The following PDLIM7 variants were observed in gnomAD, a reference collection of about 807,000 sequenced individuals.
PDLIM7 encodes the protein PDZ and LIM domain protein 7.
A neutral mutation model predicts 53.9 loss-of-function variants in PDLIM7; 37 were observed. The observed-to-expected ratio is 0.69, with a 90% CI of 0.53 to 0.90. The LOEUF is 0.90. Among genes scored for constraint, PDLIM7 ranks in the 40% least tolerant of loss-of-function variants. PDLIM7 has a pLI of 0.00. For synonymous variants in PDLIM7, 300 were observed against 261.3 expected (o/e 1.15, Z -1.43); for missense variants, 617 against 638.5 (o/e 0.97, Z 0.36).
intron 10 of PDLIM7, among the ~76,000 whole-genome samples, chr5:177,486,966 T>TCC (rs1561699858): frequency 4.0e-5 from 3 of 75,494 alleles, no homozygotes; most frequent in South Asian, 5.1e-4. Flanking sequence ...TTTTTTTTTT[T>TCC]TGCTGTCTCC....
Position 177,486,637 on chromosome 5 carries a change from T to G in PDLIM7, c.1050+1431A>C, listed in dbSNP as rs1418514146. 2.0e-5 allele frequency among the ~76,000 whole-genome samples: 3 copies of G among 152,086 alleles called. No individual in the cohort carries two copies. The East Asian group carries it at 5.8e-4, about 29-fold the overall frequency. On this transcript the variant is annotated intron_variant, in intron 10 of 12. Transcript: ENST00000355841. ...AGCCCAAGGCTGGGAGGCAGATTTC[T>G]CTTTCTTTTTTTCTTTTTGAGACAA...
Position 177,496,533 on chromosome 5 carries a change from G to A in PDLIM7, c.-11-10C>T. The A allele has an allele frequency of 6.4e-7, 1 of 1,559,970 alleles. No individual in the cohort carries two copies. Among genetic ancestry groups the A allele is most frequent in the African/African-American group, 1.4e-5 (1 of 72,658 alleles). The stretch of plus-strand genomic sequence containing the variant: ...TCCATGATGCCGGCTCCTGAGAGGA[G>A]AGAAGAGAAGGTGAGTGGCCAGCAT... On this transcript the variant is annotated splice_polypyrimidine_tract_variant and intron_variant, in intron 1 of 12. Coordinates refer to ENST00000355841, the MANE Select transcript of PDLIM7 (RefSeq NM_005451.5).
At chr5:177,494,806 C>T (rs1187431352) in intron 2 of PDLIM7, among the ~76,000 whole-genome samples, 3 of 152,112 alleles carry the variant, frequency 2.0e-5, no homozygotes, top group Non-Finnish European at 4.4e-5. Flanking sequence ...CAGCCCAGCC[C>T]CCCAGTCCCA....
intron 9 of PDLIM7, among the ~76,000 whole-genome samples, chr5:177,488,547 C>A (rs927530922): frequency 2.0e-5 from 3 of 152,190 alleles, no homozygotes; most frequent in Non-Finnish European, 4.4e-5. Flanking sequence ...CTGGGCAAAC[C>A]CTGGAGCTGC....
intron 5 of PDLIM7, chr5:177,491,485 A>C (rs1328706685): frequency 7.6e-7 from 1 of 1,322,184 alleles, no homozygotes; most frequent in Non-Finnish European, 1.1e-6. Context: ...GAGAGGAAGA[A>C]AGACGGGGAG....
chr5:177,494,744 G>A (rs1319364556), intron 2 of PDLIM7, among the ~76,000 whole-genome samples: 1 of 152,074 alleles, frequency 6.6e-6, no homozygotes, highest in Non-Finnish European at 1.5e-5. Context: ...ACCAAGGAGG[G>A]AAAAAGCCAG....
intron 7 of PDLIM7, chr5:177,490,052 C>T: frequency 2.0e-6 from 3 of 1,532,220 alleles, no homozygotes; most frequent in Non-Finnish European, 2.6e-6. Flanking sequence ...AGGCAGGGCT[C>T]CCGCTTCTGA....
chr5:177,483,454 C>A lies in PDLIM7; in HGVS notation c.*190G>T, dbSNP rs337410. 5.2e-6 allele frequency: 3 copies of A among 574,476 alleles called. No homozygotes were observed. The highest frequency in any genetic ancestry group is 4.6e-5 in the South Asian group (2 of 43,408). 35.6% of individuals were successfully genotyped at this position (574,476 alleles called of 1,614,324 possible). On this transcript the variant is annotated 3_prime_UTR_variant, in exon 13 of 13. Coordinates refer to ENST00000355841, the MANE Select transcript of PDLIM7 (RefSeq NM_005451.5). ...TGAAAGGGGGCTGGTGTGGCCAGCACCGGTGTGCTGTGGTGGTGGAGGGAG... is the reference window on the plus strand; with the variant it reads ...TGAAAGGGGGCTGGTGTGGCCAGCAACGGTGTGCTGTGGTGGTGGAGGGAG...
intron 10 of PDLIM7, among the ~76,000 whole-genome samples, chr5:177,486,774 G>A (rs972406622): frequency 1.3e-5 from 2 of 151,902 alleles, no homozygotes; most frequent in South Asian, 2.1e-4. Context: ...GAGTAGCTGG[G>A]ACTACTCCAC....
chr5:177,491,181 G>C (rs1006472419), intron 5 of PDLIM7, 35 bp from the exon 6 acceptor site: 9 of 1,575,938 alleles, frequency 5.7e-6, no homozygotes, highest in Middle Eastern at 1.7e-4. Context: ...CCCCACACTG[G>C]GGGTGGGCGG....
intron 5 of PDLIM7, 33 bp from the exon 6 acceptor site, chr5:177,491,179 T>TGGGGGTG (rs1758761640): frequency 2.4e-6 from 2 of 817,952 alleles, no homozygotes; most frequent in Non-Finnish European, 3.5e-6. Flanking sequence ...AACCCCACAC[T>TGGGGGTG]GGGGGTGGGC....
At chr5:177,486,915 G>A (rs1313268219) in intron 10 of PDLIM7, among the ~76,000 whole-genome samples, 1 of 136,308 alleles carries the variant, frequency 7.3e-6, no homozygotes, top group Non-Finnish European at 1.5e-5. Context: ...ACAGGTGTGA[G>A]CCACCGTGCC....
At position 177,496,493 on chromosome 5, in the gene PDLIM7, A is replaced by G; in HGVS notation, c.20T>C (p.Val7Ala). The G allele has an allele frequency of 6.2e-7, 1 of 1,600,122 alleles. No individual in the cohort carries two copies. The highest frequency in any genetic ancestry group is 2.3e-5 in the East Asian group (1 of 43,464). The change falls in exon 2 of 13, where the codon GTG (valine) becomes GCG (alanine). Residue 7 changes from valine to alanine, a missense_variant. Val to Ala is a moderately conservative substitution (Grantham distance 64). Transcript: ENST00000355841. MDSFKV[V>A]LEGPAPWGFR... ...GCCCCAAGGTGCTGGCCCCTCCAGC[A>G]CTACTTTGAAGGAATCCATGATGCC...
At chr5:177,491,387 G>A in intron 5 of PDLIM7, 1 of 1,552,314 alleles carries the variant, frequency 6.4e-7, no homozygotes. Context: ...GGCACAGGCA[G>A]AGGGGGGCTC....
rs541858166 is a variant in PDLIM7, at chr5:177,491,902, A to G, written c.303T>C (p.Pro101=). The change falls in exon 5 of 13, where the codon CCT becomes CCC. Residue 101 remains proline, a synonymous_variant. Transcript: ENST00000355841. ...CGCTGGGTGCAAAGGTGTACCGCGG[A>G]GGGTCCGCGGCGGGGGCGGAGGCCT... is the stretch of plus-strand genomic sequence containing the variant. ...PQKASAPAAD[P]PRYTFAPSVS... The G allele has an allele frequency of 8.3e-5, 82 of 992,872 alleles. No homozygotes were observed. Among genetic ancestry groups the G allele is most frequent in the Non-Finnish European group, 4.4e-5 (37 of 841,378 alleles). 61.5% of individuals were successfully genotyped at this position (992,872 alleles called of 1,614,324 possible).
chr5:177,492,380 C>T (rs1758840775), intron 4 of PDLIM7, 25 bp downstream of exon 4: 1 of 1,611,952 alleles, frequency 6.2e-7, no homozygotes, highest in Non-Finnish European at 8.5e-7. Flanking sequence ...CGCCCACCGC[C>T]CGGATGTCCC....
In PDLIM7 at chr5:177,483,455, CG is replaced by C; in HGVS notation, c.*188del. On this transcript the variant is annotated 3_prime_UTR_variant, in exon 13 of 13. Transcript: ENST00000355841. The stretch of plus-strand genomic sequence containing the variant: ...GAAAGGGGGCTGGTGTGGCCAGCAC[CG>C]GTGTGCTGTGGTGGTGGAGGGAGTG... The C allele has an allele frequency of 1.8e-6, 1 of 554,044 alleles. No individual in the cohort carries two copies. The allele number at this position is 554,044 out of a possible 1,614,324, so 34.3% of individuals were successfully genotyped here. A position where few individuals can be genotyped will look rare whatever the true frequency, so the allele number is the denominator to read the frequency against.
intron 7 of PDLIM7, 176 bp downstream of exon 7, chr5:177,490,694 G>T: frequency 1.1e-6 from 1 of 935,814 alleles, no homozygotes. Flanking sequence ...AGAAATGAAA[G>T]AAGGAAGGAA....
chr5:177,484,532 T>C, intron 10 of PDLIM7: 1 of 269,280 alleles, frequency 3.7e-6, no homozygotes, highest in Admixed American at 4.9e-5. Context: ...CACCAGGAAA[T>C]CCAGTGGGGC....
Sources: allele counts gnomAD v4.1 joint callset (sites outside exome capture counted in the v4.1 genomes callset), GRCh38; gene constraint gnomAD v4.1.1; transcripts MANE v1.5; gene names NCBI Gene and HGNC (gene_info 2026-07-23, HGNC 2026-07-21).